Variants in MORN5 observed in about 807,000 individuals in gnomAD.
MORN5 encodes MORN repeat containing 5, also known as MORN repeat-containing protein 5.
Under a neutral mutation model 22.1 loss-of-function variants are expected in MORN5, and 21 were observed. The ratio of observed to expected loss-of-function variants is 0.95; its 90% confidence interval spans 0.67 to 1.37. The LOEUF is 1.37. Among genes scored for constraint, MORN5 ranks in the 40% most tolerant of loss-of-function variants. The probability of loss-of-function intolerance (pLI) is 0.00; values close to 1 mark genes in which losing one functional copy is unlikely to be tolerated. For synonymous variants in MORN5, 73 were observed against 74.0 expected, an observed-to-expected ratio of 0.99 and a Z score of 0.07; for missense variants, 211 against 215.1, an observed-to-expected ratio of 0.98 and a Z score of 0.12.
chr9:122,185,740 A>C (rs1349325786), intron 4 of MORN5, among the ~76,000 whole-genome samples: 2 of 152,182 alleles, frequency 1.3e-5, no homozygotes, highest in Non-Finnish European at 2.9e-5. Context: ...ACAGATGAGA[A>C]ATCTGAGACC....
chr9:122,175,175 A>G (rs1354958391), intron 4 of MORN5, among the ~76,000 whole-genome samples: 1 of 152,242 alleles, frequency 6.6e-6, no homozygotes, highest in Non-Finnish European at 1.5e-5. Context: ...GCGGTTAGTC[A>G]GAGAAGGTTT....
intron 3 of MORN5, among the ~76,000 whole-genome samples, chr9:122,170,059 A>G (rs561899022): frequency 2.4e-4 from 36 of 152,306 alleles, no homozygotes; most frequent in Non-Finnish European, 4.4e-4. Context: ...GCACTTTGGG[A>G]GGCCAAGGCG....
chr9:122,167,898 C>A (rs539145640), intron 2 of MORN5, among the ~76,000 whole-genome samples: 43 of 152,300 alleles, frequency 2.8e-4, no homozygotes, highest in African/African-American at 9.9e-4. Context: ...CTCATGGCCA[C>A]GCATCACTCC....
intron 4 of MORN5, among the ~76,000 whole-genome samples, chr9:122,178,583 A>G (rs555862969): frequency 4.3e-4 from 65 of 152,334 alleles, no homozygotes; most frequent in African/African-American, 1.4e-3. Flanking sequence ...AAGGAGAAAA[A>G]ACTGTATCAC....
At chr9:122,195,900 A>T (rs2118790408) in intron 4 of MORN5, among the ~76,000 whole-genome samples, 1 of 152,182 alleles carries the variant, frequency 6.6e-6, no homozygotes, top group South Asian at 2.1e-4. Flanking sequence ...TCTTTATGCA[A>T]GGTCTTTTTG....
rs187589678 is a variant in MORN5, at chr9:122,186,423, C to T, written c.439+11796C>T. Among the ~76,000 whole-genome samples the T allele has an allele frequency of 5.9e-5, 9 of 152,258 alleles. No homozygotes were observed. In the East Asian group the frequency reaches 7.7e-4, roughly 13 times the overall value. On this transcript the variant is annotated intron_variant, in intron 4 of 4. Coordinates refer to ENST00000373764, the MANE Select transcript of MORN5 (RefSeq NM_198469.4). ...CTGTCTGAGAATCTAGGCCCAGCTA[C>T]GGACCTCTCCCCAGAGAAATACACT...
chr9:122,198,387 C>A (rs2118794399), intron 4 of MORN5, among the ~76,000 whole-genome samples: 1 of 152,288 alleles, frequency 6.6e-6, no homozygotes, highest in Admixed American at 6.5e-5. Context: ...GGTGGACACA[C>A]CCATCCTCCC....
At chr9:122,193,631 C>T (rs60415333) in intron 4 of MORN5, among the ~76,000 whole-genome samples, 16,394 of 152,292 alleles carry the variant, frequency 0.11, 1,608 homozygotes, top group African/African-American at 0.27. Flanking sequence ...TTAAACTATA[C>T]TGTAATTGTT....
At chr9:122,185,387 TA>T (rs1368739376) in intron 4 of MORN5, among the ~76,000 whole-genome samples, 5 of 65,580 alleles carry the variant, frequency 7.6e-5, no homozygotes, top group African/African-American at 3.4e-4. Context: ...CATGCCTGGC[TA>T]ATTTTTTTTT....
At position 122,197,678 on chromosome 9, in the gene MORN5, G is replaced by GCA. The variant is rs1345423820; in HGVS notation, c.440-2207_440-2206insCA. ...TTTAACGATCAGGGAGGGGCCTGAG[G>GCA]ACTGGTTCAGCACAATACACCCAGT... On this transcript the variant is annotated intron_variant, in intron 4 of 4. Transcript: ENST00000373764. This position sits in a 1 kb window ranked among gnomAD's most constrained non-coding sequence, Gnocchi z 5.7. 3.3e-5 allele frequency among the ~76,000 whole-genome samples: 5 copies of GCA among 152,186 alleles called. No homozygotes were observed. The highest frequency in any genetic ancestry group is 7.3e-5 in the Non-Finnish European group (5 of 68,032).
chr9:122,167,962 CTCT>C (rs1829311460), intron 2 of MORN5, among the ~76,000 whole-genome samples: 1 of 152,202 alleles, frequency 6.6e-6, no homozygotes, highest in African/African-American at 2.4e-5. Context: ...TCATCGTCAT[CTCT>C]TCTTCTCTCA....
chr9:122,165,732 G>A (rs1054250206), intron 1 of MORN5, among the ~76,000 whole-genome samples: 9 of 152,102 alleles, frequency 5.9e-5, no homozygotes, highest in Non-Finnish European at 7.3e-5. Flanking sequence ...TGAGCCCCCC[G>A]AGGACAGGGA....
chr9:122,160,542 T>TTTCC (rs59540708), intron 1 of MORN5, among the ~76,000 whole-genome samples: 16 of 151,476 alleles, frequency 1.1e-4, no homozygotes, highest in African/African-American at 2.2e-4. Flanking sequence ...TTTCTTTTCT[T>TTTCC]TTCCTTCCTT....
At chr9:122,192,809 G>A (rs1041624508) in intron 4 of MORN5, among the ~76,000 whole-genome samples, 4 of 152,240 alleles carry the variant, frequency 2.6e-5, no homozygotes, top group Non-Finnish European at 4.4e-5. Flanking sequence ...TGCCCTTGGC[G>A]TGCCTGCCTT....
intron 4 of MORN5, chr9:122,174,941 T>A: frequency 1.1e-6 from 1 of 909,360 alleles, no homozygotes. Flanking sequence ...TGCTAGACAC[T>A]GTGCTTGGTG....
intron 4 of MORN5, among the ~76,000 whole-genome samples, chr9:122,195,835 T>C (rs1829874860): frequency 6.6e-6 from 1 of 152,202 alleles, no homozygotes; most frequent in South Asian, 2.1e-4. Flanking sequence ...ATAAATTACT[T>C]GGAATTCTCC....
At chr9:122,192,542 A>G (rs1829794839) in intron 4 of MORN5, among the ~76,000 whole-genome samples, 1 of 122,710 alleles carries the variant, frequency 8.1e-6, no homozygotes. Flanking sequence ...CCAGCTGTGC[A>G]CTGACCTGCA....
chr9:122,199,827 G>C, intron 4 of MORN5, 58 bp from the exon 5 acceptor site: 1 of 1,593,192 alleles, frequency 6.3e-7, no homozygotes, highest in East Asian at 2.2e-5. Context: ...GAACCCCCCA[G>C]GCCAGGAAAG....
intron 4 of MORN5, among the ~76,000 whole-genome samples, chr9:122,189,858 G>A (rs539806718): frequency 2.0e-5 from 3 of 152,114 alleles, no homozygotes; most frequent in South Asian, 2.1e-4. Flanking sequence ...TGCCTGCCTC[G>A]GCCTCCCAAA....
Sources: gnomAD v4.1 joint callset for allele counts (sites outside exome capture counted in the v4.1 genomes callset) on GRCh38, gnomAD v4.1.1 for gene constraint, Gnocchi (gnomAD v3.1) non-coding constraint, MANE v1.5 for transcripts, NCBI Gene and HGNC (gene_info 2026-07-23, HGNC 2026-07-21) for gene names.